JAKMIP1: variants seen among roughly 807,000 people sequenced by gnomAD.
The protein encoded by JAKMIP1 is janus kinase and microtubule-interacting protein 1.
A neutral mutation model predicts 113.0 loss-of-function variants in JAKMIP1; 33 were observed. The ratio of observed to expected loss-of-function variants is 0.29; its 90% CI spans 0.22 to 0.39. JAKMIP1 has a LOEUF of 0.39. Ranked by LOEUF, JAKMIP1 falls within the 10% of genes least tolerant of loss-of-function variation. The pLI, the probability that JAKMIP1 is intolerant of heterozygous loss-of-function variation, is 1.00. For missense variants in JAKMIP1, 813 were observed against 1,080.5 expected, an observed-to-expected ratio of 0.75 and a Z score of 3.47; for synonymous variants, 480 against 459.9, an observed-to-expected ratio of 1.04 and a Z score of -0.56.
chr4:6,171,298 A>G (rs972810234), intron 1 of JAKMIP1, among the ~76,000 whole-genome samples: 3 of 150,164 alleles, frequency 2.0e-5, no homozygotes, highest in South Asian at 2.1e-4. Flanking sequence ...CACCACCATT[A>G]ACATCAACAC....
At position 6,081,218 on chromosome 4, in the gene JAKMIP1, T is replaced by A. The variant is rs2108822038; in HGVS notation, c.1101+391A>T. On this transcript the variant is annotated intron_variant, in intron 6 of 20. Transcript: ENST00000409021. The surrounding 1 kb of genome is among the most constrained non-coding windows in gnomAD (Gnocchi z 4.6). The stretch of plus-strand genomic sequence containing the variant: ...CCCCTCTGCAGAGCATCGCCAGCGA[T>A]CATTGTAACAGCTTTCACTTGCTGG... Among the ~76,000 whole-genome samples the A allele has an allele frequency of 6.6e-6, 1 of 152,334 alleles. No homozygotes were observed. The highest frequency in any genetic ancestry group is 2.4e-5 in the African/African-American group (1 of 41,570).
At chr4:6,134,116 G>A (rs545537562) in intron 1 of JAKMIP1, among the ~76,000 whole-genome samples, 16 of 152,332 alleles carry the variant, frequency 1.1e-4, no homozygotes, top group African/African-American at 2.6e-4. Context: ...CCCCCATGCT[G>A]TTCTCATGAT....
chr4:6,149,541 C>T (rs1027917683), intron 1 of JAKMIP1, among the ~76,000 whole-genome samples: 3 of 152,208 alleles, frequency 2.0e-5, no homozygotes, highest in African/African-American at 7.2e-5. Flanking sequence ...CTCGAAATCC[C>T]AGTTTGCTAC....
intron 1 of JAKMIP1, among the ~76,000 whole-genome samples, chr4:6,121,009 G>A (rs375784340): frequency 4.6e-5 from 7 of 152,046 alleles, no homozygotes; most frequent in Non-Finnish European, 5.9e-5. Context: ...AGACCAGCCC[G>A]GCCAACATGG....
At chr4:6,058,301 C>A (rs1265040990) in intron 11 of JAKMIP1, among the ~76,000 whole-genome samples, 1 of 152,232 alleles carries the variant, frequency 6.6e-6, no homozygotes. Context: ...TTTTTAAAAA[C>A]TAACTTCCTT....
rs149699294 is a variant in JAKMIP1, at chr4:6,097,145, G to C, written c.624+8328C>G. On this transcript the variant is annotated intron_variant, in intron 3 of 20. Coordinates refer to ENST00000409021, the MANE Select transcript of JAKMIP1 (RefSeq NM_001099433.2). This position sits in a 1 kb window ranked among gnomAD's most constrained non-coding sequence, Gnocchi z 4.3. ...GCCTCCTGAGTAGCTGGGACTACAG[G>C]GGTATGCCACCATGTCCGGCTAATT... Among the ~76,000 whole-genome samples, 426 of 152,170 alleles carry C rather than the reference G, an allele frequency of 2.8e-3. 2 individuals are homozygous for C. The highest frequency in any genetic ancestry group is 9.6e-3 in the African/African-American group (397 of 41,500).
rs369771498 is a variant in JAKMIP1 at position 6,040,028 on chromosome 4, C to G, written c.2175+611G>C. On this transcript the variant is annotated intron_variant, in intron 18 of 20. Transcript: ENST00000409021. This position sits in a 1 kb window ranked among gnomAD's most constrained non-coding sequence, Gnocchi z 5.8. ...GAACTCTAAATTCTCTCTCCTGCAG[C>G]GACAAGTTTCTATGATCTTACTCAA... Among the ~76,000 whole-genome samples the G allele has an allele frequency of 6.6e-6, 1 of 152,202 alleles. No homozygotes were observed. Among genetic ancestry groups the G allele is most frequent in the South Asian group, 2.1e-4 (1 of 4,820 alleles).
In JAKMIP1 at chr4:6,185,849, T is replaced by C. The variant is rs1413522690; in HGVS notation, c.-148+14404A>G. ...AAGGCAGGTGTTCTAGACAATACCT[T>C]TAACAGCCCACAGCCAAGTTTTCTA... is the stretch of plus-strand genomic sequence containing the variant. On this transcript the variant is annotated intron_variant, in intron 1 of 20. Coordinates refer to ENST00000409021, the MANE Select transcript of JAKMIP1 (RefSeq NM_001099433.2). The surrounding 1 kb of genome is among the most constrained non-coding windows in gnomAD (Gnocchi z 5.3). Among the ~76,000 whole-genome samples the C allele has an allele frequency of 6.6e-6, 1 of 152,194 alleles. No homozygotes were observed. Among genetic ancestry groups the C allele is most frequent in the African/African-American group, 2.4e-5 (1 of 41,444 alleles).
At position 6,193,271 on chromosome 4, in the gene JAKMIP1, T is replaced by C. The variant is rs908374391; in HGVS notation, c.-148+6982A>G. Among the ~76,000 whole-genome samples the C allele has an allele frequency of 2.6e-5, 4 of 152,180 alleles. No homozygotes were observed. The highest frequency in any genetic ancestry group is 9.7e-5 in the African/African-American group (4 of 41,440). ...GCTGTGCTGTTGGATTCTGTACTTT[T>C]GAGGTTTTGGGATTCAGACTGATCC... On this transcript the variant is annotated intron_variant, in intron 1 of 20. Transcript: ENST00000409021. The surrounding 1 kb of genome is among the most constrained non-coding windows in gnomAD (Gnocchi z 6.4).
chr4:6,147,615 A>G (rs188167490), intron 1 of JAKMIP1, among the ~76,000 whole-genome samples: 1 of 152,324 alleles, frequency 6.6e-6, no homozygotes, highest in African/African-American at 2.4e-5. Flanking sequence ...TGGCCAGGCA[A>G]ACAAAGCCCT....
intron 3 of JAKMIP1, among the ~76,000 whole-genome samples, chr4:6,100,513 G>T (rs116190051): frequency 6.6e-6 from 1 of 152,098 alleles, no homozygotes; most frequent in Non-Finnish European, 1.5e-5. Flanking sequence ...TCTCCCATTC[G>T]TTGACTATTA....
rs1711975555 is a variant in JAKMIP1, at chr4:6,097,316, C to A, written c.624+8157G>T. On this transcript the variant is annotated intron_variant, in intron 3 of 20. Transcript: ENST00000409021. This position sits in a 1 kb window ranked among gnomAD's most constrained non-coding sequence, Gnocchi z 4.3. Reference sequence around the variant, plus strand: ...CCCGTTCTGACTCTGAATTTATATGCTACCAATAAGTAATCACTTCTTACA... The same window carrying A: ...CCCGTTCTGACTCTGAATTTATATGATACCAATAAGTAATCACTTCTTACA... Among the ~76,000 whole-genome samples, 2 of 152,312 alleles carry A rather than the reference C, an allele frequency of 1.3e-5. No individual in the cohort carries two copies. The highest frequency in any genetic ancestry group is 4.1e-4 in the South Asian group (2 of 4,826).
intron 2 of JAKMIP1, among the ~76,000 whole-genome samples, chr4:6,111,125 C>T (rs1714864562): frequency 6.6e-6 from 1 of 151,982 alleles, no homozygotes; most frequent in African/African-American, 2.4e-5. Context: ...GCTGGGGTTG[C>T]AGCCAGATCC....
In JAKMIP1 at chr4:6,199,802, T is replaced by C. The variant is rs1013872425; in HGVS notation, c.-148+451A>G. Among the ~76,000 whole-genome samples the C allele has an allele frequency of 1.7e-4, 25 of 150,946 alleles. No homozygotes were observed. Among genetic ancestry groups the C allele is most frequent in the African/African-American group, 6.1e-4 (25 of 41,158 alleles). ...GGCGGAGATCTGGGGGACTGTGACC[T>C]ACCCTGCGGAAGACACGGAGGGGAC... On this transcript the variant is annotated intron_variant, in intron 1 of 20. Transcript: ENST00000409021. The surrounding 1 kb of genome is among the most constrained non-coding windows in gnomAD (Gnocchi z 5.6).
chr4:6,166,714 T>A (rs997905112), intron 1 of JAKMIP1, among the ~76,000 whole-genome samples: 1 of 152,262 alleles, frequency 6.6e-6, no homozygotes, highest in African/African-American at 2.4e-5. Context: ...CAGCACCATC[T>A]ACAGATGGGA....
chr4:6,085,006 A>C (rs1180070799), intron 4 of JAKMIP1, 41 bp from the exon 5 acceptor site: 8 of 1,534,388 alleles, frequency 5.2e-6, no homozygotes, highest in Non-Finnish European at 7.0e-6. Flanking sequence ...TCAAGACGTA[A>C]ATGTACTTTG....
intron 20 of JAKMIP1, 127 bp from the exon 21 acceptor site, chr4:6,026,405 C>T (rs569730807): frequency 2.5e-4 from 160 of 627,910 alleles, no homozygotes; most frequent in Non-Finnish European, 4.1e-4. Context: ...TTGTTGGGTT[C>T]GGAAAGAGAA....
At chr4:6,062,265 C>A (rs1472412483) in intron 10 of JAKMIP1, 47 bp downstream of exon 10, 1 of 1,607,450 alleles carries the variant, frequency 6.2e-7, no homozygotes, top group South Asian at 1.1e-5. Context: ...ACCTACATGA[C>A]CTGGCCTTCG....
intron 1 of JAKMIP1, among the ~76,000 whole-genome samples, chr4:6,120,203 A>G (rs1716500625): frequency 6.7e-6 from 1 of 149,834 alleles, no homozygotes; most frequent in Admixed American, 6.6e-5. Context: ...TTTAACAAAC[A>G]TTCATTACTT....
Sources: gnomAD v4.1 joint callset for allele counts (sites outside exome capture counted in the v4.1 genomes callset) on GRCh38, gnomAD v4.1.1 for gene constraint, Gnocchi (gnomAD v3.1) non-coding constraint, MANE v1.5 for transcripts, NCBI Gene and HGNC (gene_info 2026-07-23, HGNC 2026-07-21) for gene names.